Variants in WDR81 observed in about 807,000 individuals in gnomAD.
WDR81 encodes the protein WD repeat-containing protein 81.
Under a neutral mutation model 140.8 loss-of-function variants are expected in WDR81, and 92 were observed. The observed-to-expected ratio is 0.65, with a 90% CI of 0.55 to 0.78. The LOEUF is 0.78. Among genes scored for constraint, WDR81 ranks in the 30% least tolerant of loss-of-function variants. The pLI is 0.00. For synonymous variants in WDR81, 1,183 were observed against 1,156.4 expected, an observed-to-expected ratio of 1.02 and a Z score of -0.47; for missense variants, 2,502 against 2,636.4, an observed-to-expected ratio of 0.95 and a Z score of 1.12.
chr17:1,731,133 C>T lies in WDR81; in HGVS notation c.4032C>T (p.Ala1344=), dbSNP rs1448561059. Residue 1344 remains alanine (A), a synonymous_variant, in exon 4 of 10, where the codon GCC becomes GCT. Transcript: ENST00000409644. The stretch of plus-strand genomic sequence containing the variant: ...GCCGTAAGGAGGCGGGGCTGCTGGC[C>T]GCGGTGACGCTGACTCAGAAGATCA... ...LNSRKEAGLL[A]AVTLTQKIIV... is the part of the protein sequence containing the mutation. 8.7e-6 allele frequency: 14 copies of T among 1,613,154 alleles called. No homozygotes were observed. Among genetic ancestry groups the T allele is most frequent in the African/African-American group, 4.0e-5 (3 of 74,926 alleles).
Position 1,735,458 on chromosome 17 carries a change from T to G in WDR81, c.5180-114T>G. On this transcript the variant is annotated intron_variant, in intron 7 of 9. Coordinates refer to ENST00000409644, the MANE Select transcript of WDR81 (RefSeq NM_001163809.2). This position sits in a 1 kb window ranked among gnomAD's most constrained non-coding sequence, Gnocchi z 4.2. ...AAAGAGAAACATCTTTAGCATTTTC[T>G]AAGGATCCCTGGGGGACGGGAGGCA... 1 of 1,130,176 alleles carries G rather than the reference T, an allele frequency of 8.8e-7. No homozygotes were observed. The highest frequency in any genetic ancestry group is 1.2e-6 in the Non-Finnish European group (1 of 823,794). 70.0% of individuals were successfully genotyped at this position (1,130,176 alleles called of 1,614,324 possible). A position where few individuals can be genotyped will look rare whatever the true frequency, so the allele number is the denominator to read the frequency against.
upstream of WDR81, among the ~76,000 whole-genome samples, chr17:1,722,142 A>T (rs1287392009): frequency 6.6e-6 from 1 of 152,074 alleles, no homozygotes; most frequent in East Asian, 1.9e-4. Flanking sequence ...AAATCTTCTT[A>T]AAAGGGGTGG....
chr17:1,736,987 G>A (rs535292386), intron 9 of WDR81, among the ~76,000 whole-genome samples: 1 of 152,334 alleles, frequency 6.6e-6, no homozygotes, highest in Non-Finnish European at 1.5e-5. Flanking sequence ...GTTAATCCCA[G>A]CTCTGCTGCT....
rs994508298 is a variant in WDR81, at chr17:1,727,263, C to T, written c.2304C>T (p.His768=). 146 of 1,550,300 alleles carry T rather than the reference C, an allele frequency of 9.4e-5. No individual in the cohort carries two copies. In the East Asian group the frequency reaches 3.1e-3, roughly 33 times the overall value. The change falls in exon 1 of 10, where the codon CAC becomes CAT. Residue 768 remains histidine, a synonymous_variant. Coordinates refer to ENST00000409644, the MANE Select transcript of WDR81 (RefSeq NM_001163809.2). ...QPAVPLQCLL[H]RDMQALGVLL... is the part of the protein sequence containing the mutation. ...CTGTGCCACTGCAGTGCCTACTCCA[C>T]AGGGACATGCAGGCGCTGGGTGTCC...
chr17:1,717,180 AG>A, intron 1 of WDR81: 1 of 154,514 alleles, frequency 6.5e-6, no homozygotes, highest in South Asian at 1.8e-4. Flanking sequence ...TACTTAGGGA[AG>A]AGATTCGAAG....
At chr17:1,729,771 G>A (rs1915552041) in intron 1 of WDR81, among the ~76,000 whole-genome samples, 1 of 151,784 alleles carries the variant, frequency 6.6e-6, no homozygotes, top group Non-Finnish European at 1.5e-5. Flanking sequence ...GACCATCCTG[G>A]CCAATATGGT....
rs759314761 is a variant in WDR81 at position 1,732,767 on chromosome 17, G to A, written c.4425G>A (p.Glu1475=). ...QRPVDPALLD[E]LQKVFTLEMA... Reference sequence around the variant, plus strand: ...CCGTGGACCCCGCCCTGCTGGACGAGCTGCAGAAGGTGTTCACCCTGGAGA... The same window carrying A: ...CCGTGGACCCCGCCCTGCTGGACGAACTGCAGAAGGTGTTCACCCTGGAGA... Residue 1475 remains glutamate, a synonymous_variant, in exon 6 of 10, where the codon GAG becomes GAA. Transcript: ENST00000409644. 6.2e-7 allele frequency: 1 copy of A among 1,613,166 alleles called. No homozygotes were observed. Among genetic ancestry groups the A allele is most frequent in the South Asian group, 1.1e-5 (1 of 91,084 alleles).
rs1442323937 is a variant in WDR81, at chr17:1,738,268, CA to C, written c.*584del. 3 of 158,394 alleles carry C rather than the reference CA, an allele frequency of 1.9e-5. No homozygotes were observed. The highest frequency in any genetic ancestry group is 4.2e-5 in the Non-Finnish European group (3 of 71,636). 9.8% of individuals were successfully genotyped at this position (158,394 alleles called of 1,614,324 possible). ...CGGGAAGGAAGAAGGAGGCTAGGAG[CA>C]GGGGGAAAAGGTGCACTTGGCCAGT... On this transcript the variant is annotated 3_prime_UTR_variant, in exon 10 of 10. Coordinates refer to ENST00000409644, the MANE Select transcript of WDR81 (RefSeq NM_001163809.2).
intron 1 of WDR81, chr17:1,716,849 C>T (rs915868100): frequency 1.3e-5 from 8 of 610,166 alleles, no homozygotes; most frequent in African/African-American, 1.9e-5. Flanking sequence ...GCAGAGACTG[C>T]CGTTGGAGAG....
rs536486423 is a variant in WDR81 at position 1,727,225 on chromosome 17, C to T, written c.2266C>T (p.Arg756Trp). The T allele has an allele frequency of 3.0e-4, 462 of 1,550,340 alleles. No individual in the cohort carries two copies. The Admixed American group carries it at 7.4e-3, about 25-fold the overall frequency. Residue 756 changes from arginine to tryptophan, a missense_variant, in exon 1 of 10, where the codon CGG becomes TGG. Arg to Trp is a moderately radical substitution (Grantham distance 101). This residue lies in a region of WDR81 where 1,737 missense variants were observed against 1,843.0 expected (regional missense o/e 0.94). Coordinates refer to ENST00000409644, the MANE Select transcript of WDR81 (RefSeq NM_001163809.2). The stretch of plus-strand genomic sequence containing the variant: ...CCTGTTGGAGGTGCCTGAGCAGCCC[C>T]GGGTCCAGCCGGCTGTGCCACTGCA... ...GGLLEVPEQP[R>W]VQPAVPLQCL...
chr17:1,735,820 C>A lies in WDR81; in HGVS notation c.5325+103C>A, dbSNP rs1904814132. 8 of 1,466,788 alleles carry A rather than the reference C, an allele frequency of 5.5e-6. No individual in the cohort carries two copies. In the East Asian group the frequency reaches 1.9e-4, roughly 35 times the overall value. The allele number at this position is 1,466,788 out of a possible 1,614,324, so 90.9% of individuals were successfully genotyped here. Reference sequence around the variant, plus strand: ...GAAAGCCAGGATGTTGTTCTGGGGCCCTAGTTAGTTTCTCTTTGGTGCTAG... The same window carrying A: ...GAAAGCCAGGATGTTGTTCTGGGGCACTAGTTAGTTTCTCTTTGGTGCTAG... On this transcript the variant is annotated intron_variant, in intron 8 of 9. Coordinates refer to ENST00000409644, the MANE Select transcript of WDR81 (RefSeq NM_001163809.2). The surrounding 1 kb of genome is among the most constrained non-coding windows in gnomAD (Gnocchi z 4.2).
Position 1,738,412 on chromosome 17 carries a change from A to C in WDR81, c.*727A>C, listed in dbSNP as rs1438176739. On this transcript the variant is annotated 3_prime_UTR_variant, in exon 10 of 10. Transcript: ENST00000409644. ...CCCCTGCTGGGGCTCCACGACCCTG[A>C]GAGAAGGGGTGAGAAGAATCATCTC... The C allele has an allele frequency of 6.5e-6, 1 of 153,164 alleles. No homozygotes were observed. The highest frequency in any genetic ancestry group is 1.5e-5 in the Non-Finnish European group (1 of 68,670). 9.5% of individuals were successfully genotyped at this position (153,164 alleles called of 1,614,324 possible). A position where few individuals can be genotyped will look rare whatever the true frequency, so the allele number is the denominator to read the frequency against.
intron 1 of WDR81, chr17:1,716,689 G>A (rs1302133387): frequency 4.6e-6 from 7 of 1,535,934 alleles, no homozygotes; most frequent in Admixed American, 3.9e-5. Flanking sequence ...GTCCTTAAAG[G>A]GCGACAGCCC....
intron 4 of WDR81, 46 bp downstream of exon 4, chr17:1,731,304 G>T (rs1429548168): frequency 1.3e-6 from 2 of 1,580,520 alleles, no homozygotes; most frequent in Non-Finnish European, 1.7e-6. Flanking sequence ...CCCAGCGGAG[G>T]GGCTGCCCAG....
chr17:1,717,186 T>A, intron 1 of WDR81: 1 of 154,282 alleles, frequency 6.5e-6, no homozygotes, highest in South Asian at 1.8e-4. Flanking sequence ...GGGAAGAGAT[T>A]CGAAGGTGGA....
rs896302532 is a variant in WDR81, at chr17:1,725,835, T to A, written c.876T>A (p.Asp292Glu). 2 of 1,550,530 alleles carry A rather than the reference T, an allele frequency of 1.3e-6. No individual in the cohort carries two copies. The highest frequency in any genetic ancestry group is 1.7e-6 in the Non-Finnish European group (2 of 1,146,902). ...GALSLYHIAV[D>E]EKLCSELRLD... ...TGTCTTTGTATCACATCGCAGTGGA[T>A]GAGAAGCTTTGCAGCGAGCTGCGAC... is the stretch of plus-strand genomic sequence containing the variant. The change falls in exon 1 of 10, where the codon GAT becomes GAA. Residue 292 changes from aspartate (D) to glutamate (E), a missense_variant. By Grantham distance (45) the Asp-to-Glu change is conservative (BLOSUM62 2). Around this residue, in one of 3 missense-constraint regions of WDR81, gnomAD observed 547 missense variants for 513.8 expected, o/e 1.06. Coordinates refer to ENST00000409644, the MANE Select transcript of WDR81 (RefSeq NM_001163809.2).
intron 1 of WDR81, among the ~76,000 whole-genome samples, chr17:1,719,362 A>G (rs1287036728): frequency 1.3e-5 from 2 of 151,534 alleles, no homozygotes; most frequent in African/African-American, 4.9e-5. Context: ...CCTGGCTAAC[A>G]CTGTGAAACC....
chr17:1,733,002 A>G (rs1904493028), intron 6 of WDR81, 171 bp downstream of exon 6: 1 of 801,370 alleles, frequency 1.2e-6, no homozygotes, highest in East Asian at 2.9e-5. Flanking sequence ...ACACACAAAC[A>G]AGGACTGAGC....
At position 1,725,158 on chromosome 17, in the gene WDR81, C is replaced by G. The variant is rs781225989; in HGVS notation, c.199C>G (p.Arg67Gly). The change falls in exon 1 of 10, where the codon CGC (arginine) becomes GGC (glycine). Residue 67 changes from arginine to glycine, a missense_variant. Physicochemically the swap from Arg to Gly is moderately radical, Grantham distance 125 (BLOSUM62 -2). Coordinates refer to ENST00000409644, the MANE Select transcript of WDR81 (RefSeq NM_001163809.2). ...GCCTGCGCGCTGGCTGGCCAGCCTC[C>G]GCGATCGCCGGCTGCCCCTGGGACC... ...LVPARWLASL[R>G]DRRLPLGPCP... The G allele has an allele frequency of 5.9e-6, 9 of 1,533,730 alleles. No homozygotes were observed. The South Asian group carries it at 9.5e-5, about 16-fold the overall frequency.
Sources: gnomAD v4.1 joint callset for allele counts (sites outside exome capture counted in the v4.1 genomes callset) on GRCh38, gnomAD v4.1.1 for gene constraint, gnomAD v4.1.1 regional missense constraint, Gnocchi (gnomAD v3.1) non-coding constraint, MANE v1.5 for transcripts, NCBI Gene and HGNC (gene_info 2026-07-23, HGNC 2026-07-21) for gene names.